The following ADGRV1 variants were observed in gnomAD, a reference collection of about 807,000 sequenced individuals.
ADGRV1 encodes the protein adhesion G protein-coupled receptor V1, also known as G-protein coupled receptor 98.
A neutral mutation model predicts 596.2 loss-of-function variants in ADGRV1; 359 were observed. The ratio of observed to expected loss-of-function variants is 0.60; its 90% CI spans 0.55 to 0.66. The LOEUF is 0.66. Among genes scored for constraint, ADGRV1 ranks in the 30% least tolerant of loss-of-function variants. ADGRV1 has a pLI of 0.00. For synonymous variants in ADGRV1, 2,681 were observed against 2,679.2 expected (o/e 1.00, Z -0.02); for missense variants, 7,274 against 7,575.6 (o/e 0.96, Z 1.48).
chr5:90,859,263 C>T (rs1418819573), intron 82 of ADGRV1, among the ~76,000 whole-genome samples: 4 of 152,122 alleles, frequency 2.6e-5, no homozygotes, highest in Non-Finnish European at 5.9e-5. Flanking sequence ...AGCTGTGAGT[C>T]ACCACACCAG....
chr5:90,723,489 G>A (rs1751354332), intron 45 of ADGRV1, among the ~76,000 whole-genome samples: 1 of 152,190 alleles, frequency 6.6e-6, no homozygotes. Flanking sequence ...ACTCATGAGA[G>A]CACATGTCGG....
intron 87 of ADGRV1, among the ~76,000 whole-genome samples, chr5:91,142,904 A>AGTTTTGC (rs1795213210): frequency 1.3e-5 from 2 of 152,112 alleles, no homozygotes; most frequent in Non-Finnish European, 2.9e-5. Flanking sequence ...CCTTTGCCTG[A>AGTTTTGC]GTTTTGCTCA....
intron 82 of ADGRV1, among the ~76,000 whole-genome samples, chr5:90,862,904 A>G (rs762534877): frequency 6.6e-6 from 1 of 152,232 alleles, no homozygotes; most frequent in Non-Finnish European, 1.5e-5. Context: ...CCACAGCTTC[A>G]AAAGAAAACA....
At chr5:90,624,423 G>A (rs1017609612) in intron 5 of ADGRV1, among the ~76,000 whole-genome samples, 12 of 152,080 alleles carry the variant, frequency 7.9e-5, no homozygotes, top group African/African-American at 2.7e-4. Context: ...TATCAGGTTT[G>A]TAGCCTGTTT....
chr5:90,916,339 T>C (rs904720952), intron 83 of ADGRV1, among the ~76,000 whole-genome samples: 2 of 152,192 alleles, frequency 1.3e-5, no homozygotes, highest in African/African-American at 2.4e-5. Context: ...ATTTTTTAAT[T>C]GGTAACATCA....
chr5:91,143,742 A>G (rs1249260292), intron 87 of ADGRV1, among the ~76,000 whole-genome samples: 1 of 152,170 alleles, frequency 6.6e-6, no homozygotes, highest in African/African-American at 2.4e-5. Context: ...CCCAGCTTGA[A>G]GGTGGGGCCT....
intron 48 of ADGRV1, among the ~76,000 whole-genome samples, chr5:90,726,652 T>C (rs1016083444): frequency 8.2e-6 from 1 of 121,348 alleles, no homozygotes; most frequent in African/African-American, 3.6e-5. Flanking sequence ...TCTCTCTGGG[T>C]ATGTGTGTGT....
intron 83 of ADGRV1, among the ~76,000 whole-genome samples, chr5:90,948,193 A>G (rs554049596): frequency 1.1e-4 from 17 of 152,262 alleles, no homozygotes; most frequent in Admixed American, 1.0e-3. Context: ...ACTAGGTGAT[A>G]TTAGAATTTG....
chr5:91,073,564 CA>C (rs913618740), intron 86 of ADGRV1, among the ~76,000 whole-genome samples: 3 of 152,250 alleles, frequency 2.0e-5, no homozygotes, highest in Admixed American at 6.5e-5. Flanking sequence ...AGTTAATATG[CA>C]AAAGGATTTT....
At chr5:90,800,529 A>G (rs1761243345) in intron 70 of ADGRV1, among the ~76,000 whole-genome samples, 1 of 152,224 alleles carries the variant, frequency 6.6e-6, no homozygotes, top group African/African-American at 2.4e-5. Flanking sequence ...TTCCTCAAGG[A>G]TCTAGGACTA....
At chr5:91,151,407 G>A in intron 88 of ADGRV1, among the ~76,000 whole-genome samples, 1 of 151,964 alleles carries the variant, frequency 6.6e-6, no homozygotes, top group Admixed American at 6.6e-5. Flanking sequence ...TTGATCAAAG[G>A]GTACAAAATT....
chr5:90,699,183 A>G (rs1412703262), intron 34 of ADGRV1, among the ~76,000 whole-genome samples: 1 of 152,082 alleles, frequency 6.6e-6, no homozygotes, highest in Non-Finnish European at 1.5e-5. Flanking sequence ...GGTATTTTGT[A>G]TGTCTTTTTT....
intron 78 of ADGRV1, 72 bp downstream of exon 78, chr5:90,841,057 A>T: frequency 9.8e-7 from 1 of 1,021,544 alleles, no homozygotes. Flanking sequence ...TAAAACCAAA[A>T]TCACATTCTC....
chr5:90,694,245 G>C lies in ADGRV1; in HGVS notation c.7489G>C (p.Ala2497Pro), dbSNP rs1221101459. Reference protein sequence around the residue: ...TRVASLFSGQAVAGSDYEPVT... With the variant: ...TRVASLFSGQPVAGSDYEPVT... Reference sequence around the variant, plus strand: ...GGTAGCATCTCTTTTTAGTGGTCAGGCTGTGGCTGGGAGTGACTATGAGCC... The same window carrying C: ...GGTAGCATCTCTTTTTAGTGGTCAGCCTGTGGCTGGGAGTGACTATGAGCC... The change falls in exon 33 of 90, where the codon GCT (alanine) becomes CCT (proline). Residue 2497 changes from alanine to proline, a missense_variant. By Grantham distance (27) the Ala-to-Pro change is conservative. Transcript: ENST00000405460. 1 of 1,613,940 alleles carries C rather than the reference G, an allele frequency of 6.2e-7. No individual in the cohort carries two copies. The highest frequency in any genetic ancestry group is 8.5e-7 in the Non-Finnish European group (1 of 1,179,848).
At chr5:90,565,279 A>G (rs1246718020) in intron 1 of ADGRV1, among the ~76,000 whole-genome samples, 1 of 152,174 alleles carries the variant, frequency 6.6e-6, no homozygotes, top group African/African-American at 2.4e-5. Context: ...CTATTCCAGA[A>G]CATTTTCATC....
At chr5:90,638,619 C>G (rs1766563133) in intron 11 of ADGRV1, among the ~76,000 whole-genome samples, 1 of 151,174 alleles carries the variant, frequency 6.6e-6, no homozygotes, top group Admixed American at 6.6e-5. Flanking sequence ...TCTAAAAAAT[C>G]AGAATCAGTC....
At chr5:91,016,790 A>T (rs373920109) in intron 85 of ADGRV1, among the ~76,000 whole-genome samples, 23 of 152,060 alleles carry the variant, frequency 1.5e-4, no homozygotes, top group African/African-American at 4.6e-4. Context: ...AGCACCTTCT[A>T]TGTGCCAATT....
At chr5:90,740,297 G>A (rs913357603) in intron 50 of ADGRV1, among the ~76,000 whole-genome samples, 1 of 152,162 alleles carries the variant, frequency 6.6e-6, no homozygotes, top group Non-Finnish European at 1.5e-5. Flanking sequence ...CTGCATCTAG[G>A]TGGGGTCAGA....
In ADGRV1 at chr5:90,805,326, G is replaced by A. The variant is rs762937667; in HGVS notation, c.14704G>A (p.Ala4902Thr). ...TGCTTTTCAACTCATGAACATCACTGCTGGCACAAGCCACGTTATGATTTC... is the reference window on the plus strand; with the variant it reads ...TGCTTTTCAACTCATGAACATCACTACTGGCACAAGCCACGTTATGATTTC... The part of the protein sequence containing the change: ...STAFQLMNIT[A>T]GTSHVMISRR... The change falls in exon 72 of 90, where the codon GCT becomes ACT. Residue 4902 changes from alanine (A) to threonine (T), a missense_variant. By Grantham distance (58) the Ala-to-Thr change is moderately conservative. This residue lies in a region of ADGRV1 where 1,874 missense variants were observed against 1,970.2 expected (regional missense o/e 0.95). Coordinates refer to ENST00000405460, the MANE Select transcript of ADGRV1 (RefSeq NM_032119.4). 1.9e-6 allele frequency: 3 copies of A among 1,612,862 alleles called. 1 individual carries two copies. Among genetic ancestry groups the A allele is most frequent in the South Asian group, 2.2e-5 (2 of 90,920 alleles).
Sources: allele counts gnomAD v4.1 joint callset (sites outside exome capture counted in the v4.1 genomes callset), GRCh38; gene constraint gnomAD v4.1.1; regional missense constraint gnomAD v4.1.1; transcripts MANE v1.5; gene names NCBI Gene and HGNC (gene_info 2026-07-23, HGNC 2026-07-21).